KLF17: variants seen among roughly 807,000 people sequenced by gnomAD.
The protein encoded by KLF17 is KLF transcription factor 17, also known as Krueppel-like factor 17.
A neutral mutation model predicts 34.2 loss-of-function variants in KLF17; 31 were observed. That is an observed-to-expected ratio of 0.91 (90% confidence interval 0.68 to 1.22). The LOEUF (loss-of-function observed/expected upper bound fraction) is 1.22. KLF17 is among the 50% of genes most tolerant of loss of function. KLF17 has a pLI of 0.00. For synonymous variants in KLF17, 179 were observed against 186.7 expected, an observed-to-expected ratio of 0.96 and a Z score of 0.34; for missense variants, 478 against 505.2, an observed-to-expected ratio of 0.95 and a Z score of 0.52.
the KLF17 span, among the ~76,000 whole-genome samples, chr1:44,065,690 T>G: frequency 6.6e-6 from 1 of 152,220 alleles, no homozygotes; most frequent in African/African-American, 2.4e-5. Context: ...ATTACAGGCA[T>G]GAGCCACTGC....
chr1:44,119,365 C>G (rs2087920205), intron 1 of KLF17, among the ~76,000 whole-genome samples: 1 of 142,788 alleles, frequency 7.0e-6, no homozygotes, highest in African/African-American at 2.6e-5. Context: ...GTAGGCAGGA[C>G]AGCAAAGACC....
At chr1:44,121,637 C>A (rs2087947202) in intron 1 of KLF17, among the ~76,000 whole-genome samples, 1 of 152,162 alleles carries the variant, frequency 6.6e-6, no homozygotes, top group South Asian at 2.1e-4. Context: ...ATGTTCCTTT[C>A]CGATATATCA....
chr1:44,071,369 A>G, the KLF17 span, among the ~76,000 whole-genome samples: 1 of 152,156 alleles, frequency 6.6e-6, no homozygotes, highest in African/African-American at 2.4e-5. Context: ...ATATCTTCCC[A>G]GCTCACCCTT....
At chr1:44,061,916 C>CA in the KLF17 span, among the ~76,000 whole-genome samples, 3 of 151,032 alleles carry the variant, frequency 2.0e-5, no homozygotes, top group African/African-American at 7.3e-5. Context: ...AACTCTGTCT[C>CA]AAAAAAAAGG....
At chr1:44,085,629 C>T in the KLF17 span, among the ~76,000 whole-genome samples, 89 of 151,712 alleles carry the variant, frequency 5.9e-4, no homozygotes, top group Non-Finnish European at 1.0e-3. Context: ...CTCATCTCTA[C>T]AAAAAATAAA....
the KLF17 span, chr1:44,103,635 T>C: frequency 1.2e-6 from 2 of 1,610,452 alleles, no homozygotes; most frequent in Non-Finnish European, 1.7e-6. Context: ...CAGGGCCAGC[T>C]TGACGTTCAT....
chr1:44,114,924 T>G (rs2154311105), upstream of KLF17: 1 of 152,338 alleles, frequency 6.6e-6, no homozygotes, highest in South Asian at 2.1e-4. Flanking sequence ...ATGTGGAAGT[T>G]CATTTGGAGA....
At chr1:44,110,114 C>T in the KLF17 span, among the ~76,000 whole-genome samples, 1 of 151,912 alleles carries the variant, frequency 6.6e-6, no homozygotes, top group Non-Finnish European at 1.5e-5. Context: ...ACCATGTTGG[C>T]CAGGCTGGTC....
chr1:44,063,212 G>A, the KLF17 span, among the ~76,000 whole-genome samples: 1 of 152,174 alleles, frequency 6.6e-6, no homozygotes, highest in East Asian at 1.9e-4. Context: ...AGTGGTAGTG[G>A]CCAGACTGGG....
chr1:44,060,512 AC>A, the KLF17 span, among the ~76,000 whole-genome samples: 23 of 152,152 alleles, frequency 1.5e-4, no homozygotes, highest in African/African-American at 5.3e-4. Context: ...TATGTTGGCC[AC>A]CCTTGCCCCT....
chr1:44,098,644 G>A, the KLF17 span, among the ~76,000 whole-genome samples: 2 of 148,990 alleles, frequency 1.3e-5, no homozygotes, highest in Admixed American at 1.3e-4. Context: ...TCTGCCTCCT[G>A]GGTTCACGCC....
the KLF17 span, among the ~76,000 whole-genome samples, chr1:44,066,764 C>A: frequency 2.8e-3 from 427 of 152,216 alleles, 6 homozygotes; most frequent in African/African-American, 9.7e-3. Context: ...ATAAAAGAAC[C>A]ATTCAAATGC....
At chr1:44,046,791 G>T in the KLF17 span, among the ~76,000 whole-genome samples, 1 of 152,128 alleles carries the variant, frequency 6.6e-6, no homozygotes, top group African/African-American at 2.4e-5. Context: ...GAGGCCGAGA[G>T]GCAGCTGCAT....
chr1:44,058,261 G>A, the KLF17 span, among the ~76,000 whole-genome samples: 3 of 152,074 alleles, frequency 2.0e-5, no homozygotes, highest in African/African-American at 7.2e-5. Context: ...AGAGGCCTGG[G>A]TTTCTCTCCT....
At chr1:44,090,727 G>A in the KLF17 span, among the ~76,000 whole-genome samples, 1 of 152,214 alleles carries the variant, frequency 6.6e-6, no homozygotes, top group East Asian at 1.9e-4. Context: ...TCGCGCTTCT[G>A]GGGAAATAGA....
At chr1:44,069,512 G>GAGAGAGAGAGAGAGAGAGAGAGA in the KLF17 span, among the ~76,000 whole-genome samples, 1 of 114,542 alleles carries the variant, frequency 8.7e-6, no homozygotes, top group African/African-American at 4.1e-5. The surrounding 1 kb of genome is among the most constrained non-coding windows in gnomAD (Gnocchi z 4.7). Flanking sequence ...GAGAGAGAGA[G>GAGAGAGAGAGAGAGAGAGAGAGA]AAGACAGGAG....
chr1:44,128,581 G>A (rs541810698), intron 1 of KLF17, among the ~76,000 whole-genome samples: 14 of 152,194 alleles, frequency 9.2e-5, no homozygotes, highest in African/African-American at 2.2e-4. Flanking sequence ...CAGGGCAGAC[G>A]CTGTAAATAT....
chr1:44,059,517 T>C, the KLF17 span, among the ~76,000 whole-genome samples: 1 of 152,182 alleles, frequency 6.6e-6, no homozygotes, highest in South Asian at 2.1e-4. Context: ...TGCACAGTTC[T>C]ACCTTCTGGC....
At chr1:44,050,947 C>T in the KLF17 span, 2 of 152,204 alleles carry the variant, frequency 1.3e-5, 1 homozygote, top group South Asian at 4.1e-4. Flanking sequence ...CTTCTACCAC[C>T]AGCTCACTCT....
Sources: gnomAD v4.1 joint callset for allele counts (sites outside exome capture counted in the v4.1 genomes callset) on GRCh38, gnomAD v4.1.1 for gene constraint, Gnocchi (gnomAD v3.1) non-coding constraint, MANE v1.5 for transcripts, NCBI Gene and HGNC (gene_info 2026-07-23, HGNC 2026-07-21) for gene names.